Variants in WSCD2 observed in about 807,000 individuals in gnomAD.
WSCD2 encodes the protein WSC domain sialate O sulfotransferase 2.
Under a neutral mutation model 55.7 loss-of-function variants are expected in WSCD2, and 28 were observed. The ratio of observed to expected loss-of-function variants is 0.50; its 90% CI spans 0.37 to 0.69. The LOEUF is 0.69. WSCD2 is among the 30% of genes least tolerant of loss of function. The pLI is 0.00. For missense variants in WSCD2, 616 were observed against 762.1 expected, an observed-to-expected ratio of 0.81 and a Z score of 2.26; for synonymous variants, 301 against 301.9, an observed-to-expected ratio of 1.00 and a Z score of 0.03.
rs544387301 is a variant in WSCD2 at position 108,233,055 on chromosome 12, A to C, written c.1144+160A>C. On this transcript the variant is annotated intron_variant, in intron 7 of 8. Coordinates refer to ENST00000547525, the MANE Select transcript of WSCD2 (RefSeq NM_014653.4). Reference sequence around the variant, plus strand: ...CTCACTGCATGCTTGGTACCCCCCCACCTTCCTTTATGCCCCACAAACATT... The same window carrying C: ...CTCACTGCATGCTTGGTACCCCCCCCCCTTCCTTTATGCCCCACAAACATT... 528 of 875,900 alleles carry C rather than the reference A, an allele frequency of 6.0e-4. 1 individual carries two copies. In the African/African-American group the frequency reaches 8.3e-3, roughly 14 times the overall value. 54.3% of individuals were successfully genotyped at this position (875,900 alleles called of 1,614,324 possible). A position where few individuals can be genotyped will look rare whatever the true frequency, so the allele number is the denominator to read the frequency against.
chr12:108,195,792 C>A lies in WSCD2; in HGVS notation c.-41C>A, dbSNP rs1883833591. ...GCCCCTTCCATCCTCTCCCAAGCAC[C>A]CCAGCCAAGCCCCAGAGAGCCAGTC... On this transcript the variant is annotated 5_prime_UTR_variant, in exon 2 of 9. Transcript: ENST00000547525. 2 of 1,561,290 alleles carry A rather than the reference C, an allele frequency of 1.3e-6. No homozygotes were observed. Among genetic ancestry groups the A allele is most frequent in the Middle Eastern group, 1.7e-4 (1 of 5,796 alleles).
chr12:108,226,529 A>G (rs562663211), intron 5 of WSCD2, among the ~76,000 whole-genome samples: 17 of 152,240 alleles, frequency 1.1e-4, no homozygotes, highest in African/African-American at 3.6e-4. Context: ...GCTTCGTTTC[A>G]GTGTTTAAGC....
chr12:108,245,336 G>A (rs979820482), intron 8 of WSCD2, among the ~76,000 whole-genome samples: 3 of 152,168 alleles, frequency 2.0e-5, no homozygotes, highest in African/African-American at 7.2e-5. Context: ...ATGAGATCAT[G>A]CATGCAGAGT....
chr12:108,240,948 C>T (rs947243168), intron 8 of WSCD2, among the ~76,000 whole-genome samples: 2 of 152,148 alleles, frequency 1.3e-5, no homozygotes, highest in African/African-American at 2.4e-5. Flanking sequence ...TACAAACACT[C>T]AGTAGGTGTG....
intron 4 of WSCD2, among the ~76,000 whole-genome samples, chr12:108,223,557 C>T (rs1887757476): frequency 6.6e-6 from 1 of 152,142 alleles, no homozygotes; most frequent in Non-Finnish European, 1.5e-5. Flanking sequence ...TACTCCTTCA[C>T]TTGTTAATTT....
At chr12:108,166,771 T>TTC in intron 1 of WSCD2, among the ~76,000 whole-genome samples, 1 of 148,566 alleles carries the variant, frequency 6.7e-6, no homozygotes, top group African/African-American at 2.5e-5. Flanking sequence ...TTTTCTTTCT[T>TTC]TCTTTCTTTC....
Position 108,158,787 on chromosome 12 carries a change from G to A in WSCD2, c.-552+28861G>A, listed in dbSNP as rs149126111. On this transcript the variant is annotated intron_variant, in intron 1 of 8. Transcript: ENST00000547525. ...AAGTCCTCCCTCTCCCTCACTCTCC[G>A]TGTCTACTCAAGCCACAAGTATTAC... is the stretch of plus-strand genomic sequence containing the variant. Among the ~76,000 whole-genome samples the A allele has an allele frequency of 5.7e-4, 86 of 152,106 alleles. 1 individual carries two copies. The highest frequency in any genetic ancestry group is 1.8e-3 in the African/African-American group (73 of 41,498).
In WSCD2 at chr12:108,210,294, C is replaced by T. The variant is rs137898269; in HGVS notation, c.671C>T (p.Ser224Leu). The change falls in exon 4 of 9, where the codon TCG becomes TTG. Residue 224 changes from serine (S) to leucine (L), a missense_variant. Physicochemically the swap from Ser to Leu is moderately radical, Grantham distance 145. Coordinates refer to ENST00000547525, the MANE Select transcript of WSCD2 (RefSeq NM_014653.4). This position sits in a 1 kb window ranked among gnomAD's most constrained non-coding sequence, Gnocchi z 4.3. ...TACCGGCTGCAGCTGGCCCAGGAGT[C>T]GGCCCGCAGGTGTACGTGAGTCTGC... ...SVYRLQLAQE[S>L]ARRYGSAVFR... The T allele has an allele frequency of 7.8e-5, 123 of 1,586,616 alleles. No homozygotes were observed. The African/African-American group carries it at 1.4e-3, about 18-fold the overall frequency.
In WSCD2 at chr12:108,144,390, C is replaced by T. The variant is rs150143276; in HGVS notation, c.-552+14464C>T. 8.3e-3 allele frequency among the ~76,000 whole-genome samples: 1,260 copies of T among 152,288 alleles called. 19 individuals are homozygous for T. The highest frequency in any genetic ancestry group is 0.023 in the African/African-American group (956 of 41,556). On this transcript the variant is annotated intron_variant, in intron 1 of 8. Coordinates refer to ENST00000547525, the MANE Select transcript of WSCD2 (RefSeq NM_014653.4). ...TGGAATTCAGCGAGAATGGCTGCTT[C>T]GAAGCAGTTCATTTTGCTGCCTGAG...
chr12:108,238,872 G>A (rs886068227), intron 7 of WSCD2, among the ~76,000 whole-genome samples: 1 of 152,216 alleles, frequency 6.6e-6, no homozygotes, highest in Non-Finnish European at 1.5e-5. Context: ...TTTCGGCTCT[G>A]CCTGTTCCAT....
chr12:108,152,062 C>T (rs892652488), intron 1 of WSCD2, among the ~76,000 whole-genome samples: 1 of 152,190 alleles, frequency 6.6e-6, no homozygotes, highest in South Asian at 2.1e-4. Context: ...TGCAGTTGCT[C>T]TCACAATGAG....
At chr12:108,203,443 C>T (rs1884958159) in intron 2 of WSCD2, among the ~76,000 whole-genome samples, 1 of 152,168 alleles carries the variant, frequency 6.6e-6, no homozygotes, top group Non-Finnish European at 1.5e-5. Flanking sequence ...TTTACTCTAT[C>T]AGAATGCAAC....
intron 7 of WSCD2, among the ~76,000 whole-genome samples, chr12:108,238,409 T>C (rs1373791470): frequency 6.6e-6 from 1 of 152,214 alleles, no homozygotes. Flanking sequence ...TGCACCTCTA[T>C]GGACCCCTGT....
At chr12:108,159,109 G>C (rs1360787259) in intron 1 of WSCD2, among the ~76,000 whole-genome samples, 1 of 152,168 alleles carries the variant, frequency 6.6e-6, no homozygotes, top group Non-Finnish European at 1.5e-5. Flanking sequence ...GTCTCTGAAA[G>C]GGATCTAGCC....
At chr12:108,186,883 C>T (rs1011958927) in intron 1 of WSCD2, among the ~76,000 whole-genome samples, 1 of 152,180 alleles carries the variant, frequency 6.6e-6, no homozygotes, top group Non-Finnish European at 1.5e-5. Context: ...GTCTATAACC[C>T]TGGAAGGCTT....
intron 1 of WSCD2, among the ~76,000 whole-genome samples, chr12:108,147,264 A>G (rs181042133): frequency 1.3e-5 from 2 of 152,220 alleles, no homozygotes; most frequent in Non-Finnish European, 1.5e-5. Flanking sequence ...AGGAGGTGGC[A>G]TCTGACCTGA....
At chr12:108,175,863 A>C (rs962826540) in intron 1 of WSCD2, among the ~76,000 whole-genome samples, 2 of 152,040 alleles carry the variant, frequency 1.3e-5, no homozygotes, top group Non-Finnish European at 1.5e-5. Flanking sequence ...TTTTTGAGAC[A>C]GAGTCTCGCT....
At chr12:108,240,239 G>A (rs979555000) in intron 7 of WSCD2, 105 bp from the exon 8 acceptor site, 3 of 1,407,972 alleles carry the variant, frequency 2.1e-6, no homozygotes, top group African/African-American at 2.8e-5. Context: ...GAATGACTGA[G>A]TGAACAAATG....
chr12:108,199,611 T>C (rs1348146242), intron 2 of WSCD2, among the ~76,000 whole-genome samples: 2 of 152,258 alleles, frequency 1.3e-5, no homozygotes, highest in Non-Finnish European at 2.9e-5. Flanking sequence ...GGCGTTGTGA[T>C]GATTACATAA....
Sources: gnomAD v4.1 joint callset for allele counts (sites outside exome capture counted in the v4.1 genomes callset) on GRCh38, gnomAD v4.1.1 for gene constraint, Gnocchi (gnomAD v3.1) non-coding constraint, MANE v1.5 for transcripts, NCBI Gene and HGNC (gene_info 2026-07-23, HGNC 2026-07-21) for gene names.